The following ARMC5 variants were observed in gnomAD, a reference collection of about 807,000 sequenced individuals.
ARMC5 encodes armadillo repeat-containing protein 5.
Under a neutral mutation model 60.5 loss-of-function variants are expected in ARMC5, and 28 were observed. That is an observed-to-expected ratio of 0.46 (90% CI 0.34 to 0.63). The LOEUF (loss-of-function observed/expected upper bound fraction) is 0.63, where lower values mean the gene tolerates loss of function less well. Among genes scored for constraint, ARMC5 ranks in the 30% least tolerant of loss-of-function variants. The pLI is 0.01. For missense variants in ARMC5, 1,189 were observed against 1,304.9 expected (o/e 0.91, Z 1.37); for synonymous variants, 680 against 607.3 (o/e 1.12, Z -1.76).
intron 1 of ARMC5, 126 bp from the exon 2 acceptor site, chr16:31,461,796 C>T (rs2082305684): frequency 1.9e-5 from 15 of 787,128 alleles, no homozygotes; most frequent in South Asian, 6.5e-5. Flanking sequence ...GCTTGAGCCA[C>T]GGTGCCCTGC....
chr16:31,458,595 G>T, upstream of ARMC5: 4 of 1,463,942 alleles, frequency 2.7e-6, no homozygotes, highest in Non-Finnish European at 3.7e-6. Flanking sequence ...CGCAGGTTTT[G>T]GGGCTTGTAG....
At chr16:31,465,389 A>G (rs893581013) in intron 4 of ARMC5, 28 of 1,265,640 alleles carry the variant, frequency 2.2e-5, no homozygotes, top group Non-Finnish European at 2.6e-5. Flanking sequence ...TTCTGGTCAC[A>G]CCTCACTATG....
At chr16:31,460,826 C>T (rs2082298184) in intron 1 of ARMC5, among the ~76,000 whole-genome samples, 1 of 152,162 alleles carries the variant, frequency 6.6e-6, no homozygotes, top group African/African-American at 2.4e-5. Flanking sequence ...AGAACAAATC[C>T]TAGCAAAACA....
chr16:31,466,429 C>T lies in ARMC5; in HGVS notation c.2348C>T (p.Ala783Val). 1 of 1,612,044 alleles carries T rather than the reference C, an allele frequency of 6.2e-7. No homozygotes were observed. Among genetic ancestry groups the T allele is most frequent in the Non-Finnish European group, 8.5e-7 (1 of 1,179,852 alleles). The change falls in exon 6 of 6, where the codon GCA (alanine) becomes GTA (valine). Residue 783 changes from alanine to valine, a missense_variant. Transcript: ENST00000268314. The surrounding 1 kb of genome is among the most constrained non-coding windows in gnomAD (Gnocchi z 8.0). ...FFRALLSGSF[A>V]EAQMDLVPLR... ...CGGGCCCTGCTGTCAGGCAGCTTTGCAGAAGCCCAGATGGACCTGGTGCCC... is the reference window on the plus strand; with the variant it reads ...CGGGCCCTGCTGTCAGGCAGCTTTGTAGAAGCCCAGATGGACCTGGTGCCC...
rs1567378994 is a variant in ARMC5, at chr16:31,466,374, G to A, written c.2293G>A (p.Ala765Thr). 2 of 1,612,908 alleles carry A rather than the reference G, an allele frequency of 1.2e-6. No homozygotes were observed. The highest frequency in any genetic ancestry group is 1.7e-5 in the Admixed American group (1 of 60,012). ...DSGLQLPAQR[A>T]ASATASPFFR... is the part of the protein sequence containing the mutation. ...AGGCCTCCAGCTCCCTGCCCAGCGA[G>A]CGGCCTCAGCCACCGCCTCCCCTTT... Residue 765 changes from alanine (A) to threonine (T), a missense_variant, in exon 6 of 6, where the codon GCG becomes ACG. By Grantham distance (58) the Ala-to-Thr change is moderately conservative. This residue lies in a region of ARMC5 where 862 missense variants were observed against 1,071.2 expected (regional missense o/e 0.80). Coordinates refer to ENST00000268314, the MANE Select transcript of ARMC5 (RefSeq NM_001105247.2). This position sits in a 1 kb window ranked among gnomAD's most constrained non-coding sequence, Gnocchi z 8.0.
upstream of ARMC5, chr16:31,458,358 A>T: frequency 1.3e-6 from 2 of 1,522,078 alleles, no homozygotes; most frequent in South Asian, 2.4e-5. Flanking sequence ...CTGACGCTGA[A>T]AGTCTTACCA....
intron 4 of ARMC5, chr16:31,465,558 T>C: frequency 3.5e-6 from 4 of 1,133,744 alleles, no homozygotes; most frequent in Non-Finnish European, 4.6e-6. Flanking sequence ...CTATTCTTGT[T>C]TTATATTGTA....
chr16:31,462,434 C>T lies in ARMC5; in HGVS notation c.887C>T (p.Ala296Val). ...LVSLASHPKRAVREGTILILA... is the reference protein window; with the variant it reads ...LVSLASHPKRVVREGTILILA... The stretch of plus-strand genomic sequence containing the variant: ...AGCCTGGCTTCCCACCCCAAGCGGG[C>T]AGTACGCGAGGGAACCATTCTGATC... The change falls in exon 3 of 6, where the codon GCA (alanine) becomes GTA (valine). Residue 296 changes from alanine to valine, a missense_variant. Transcript: ENST00000268314. This position sits in a 1 kb window ranked among gnomAD's most constrained non-coding sequence, Gnocchi z 7.2. 1 of 1,611,660 alleles carries T rather than the reference C, an allele frequency of 6.2e-7. No individual in the cohort carries two copies. Among genetic ancestry groups the T allele is most frequent in the Non-Finnish European group, 8.5e-7 (1 of 1,178,720 alleles).
At position 31,464,326 on chromosome 16, in the gene ARMC5, C is replaced by T. The variant is rs1465712967; in HGVS notation, c.1371-68C>T. ...AAAAAAAAAAAAAAAAGACGCCTCA[C>T]GCCTCTTGGACTCTGCCCCTTAACC... is the stretch of plus-strand genomic sequence containing the variant. On this transcript the variant is annotated intron_variant, in intron 3 of 5. Transcript: ENST00000268314. This position sits in a 1 kb window ranked among gnomAD's most constrained non-coding sequence, Gnocchi z 7.6. The T allele has an allele frequency of 5.3e-6, 6 of 1,122,488 alleles. No homozygotes were observed. Among genetic ancestry groups the T allele is most frequent in the Non-Finnish European group, 7.3e-6 (6 of 824,350 alleles). 69.5% of individuals were successfully genotyped at this position (1,122,488 alleles called of 1,614,324 possible). A position where few individuals can be genotyped will look rare whatever the true frequency, so the allele number is the denominator to read the frequency against.
In ARMC5 at chr16:31,463,054, A is replaced by G. The variant is rs187517930; in HGVS notation, c.1370+137A>G. On this transcript the variant is annotated intron_variant, in intron 3 of 5. Coordinates refer to ENST00000268314, the MANE Select transcript of ARMC5 (RefSeq NM_001105247.2). ...TATAACCCAGACTCCTGATTCCCAC[A>G]CGACCACCTGCCAGTTCCTATTTAA... 10 of 913,960 alleles carry G rather than the reference A, an allele frequency of 1.1e-5. No individual in the cohort carries two copies. The Admixed American group carries it at 2.5e-4, about 23-fold the overall frequency. The allele number at this position is 913,960 out of a possible 1,614,324, so 56.6% of individuals were successfully genotyped here.
At position 31,464,562 on chromosome 16, in the gene ARMC5, C is replaced by T. The variant is rs1596605058; in HGVS notation, c.1539C>T (p.Ala513=). Reference sequence around the variant, plus strand: ...GCACTCCGGGCCGCAGCCCCGCCGCCGCCATCGAGGAGCCTTGGGGACGCG... The same window carrying T: ...GCACTCCGGGCCGCAGCCCCGCCGCTGCCATCGAGGAGCCTTGGGGACGCG... ...TQRTPGRSPA[A]AIEEPWGREG... is the part of the protein sequence containing the mutation. Residue 513 remains alanine, a synonymous_variant, in exon 4 of 6, where the codon GCC becomes GCT. Transcript: ENST00000268314. This position sits in a 1 kb window ranked among gnomAD's most constrained non-coding sequence, Gnocchi z 7.6. 6 of 1,583,788 alleles carry T rather than the reference C, an allele frequency of 3.8e-6. No homozygotes were observed. The highest frequency in any genetic ancestry group is 4.3e-6 in the Non-Finnish European group (5 of 1,167,350).
chr16:31,462,592 G>T lies in ARMC5; in HGVS notation c.1045G>T (p.Val349Leu). 6.2e-7 allele frequency: 1 copy of T among 1,612,968 alleles called. No homozygotes were observed. Among genetic ancestry groups the T allele is most frequent in the Non-Finnish European group, 8.5e-7 (1 of 1,180,008 alleles). ...GASPTSQQPL[V>L]RAVCLLCREA... ...TAGCCCAACCTCCCAGCAGCCCCTG[G>T]TGCGGGCTGTGTGCCTCCTATGTCG... The change falls in exon 3 of 6, where the codon GTG becomes TTG. Residue 349 changes from valine to leucine, a missense_variant. Coordinates refer to ENST00000268314, the MANE Select transcript of ARMC5 (RefSeq NM_001105247.2). The surrounding 1 kb of genome is among the most constrained non-coding windows in gnomAD (Gnocchi z 7.2).
In ARMC5 at chr16:31,464,471, C is replaced by CGGAGCCCAT. The variant is rs774609981; in HGVS notation, c.1455_1463dup (p.Met486_Pro488dup). 1 of 1,604,926 alleles carries CGGAGCCCAT rather than the reference C, an allele frequency of 6.2e-7. No homozygotes were observed. Among genetic ancestry groups the CGGAGCCCAT allele is most frequent in the Non-Finnish European group, 8.5e-7 (1 of 1,176,564 alleles). On this transcript the variant is annotated inframe_insertion, in exon 4 of 6. Coordinates refer to ENST00000268314, the MANE Select transcript of ARMC5 (RefSeq NM_001105247.2). This position sits in a 1 kb window ranked among gnomAD's most constrained non-coding sequence, Gnocchi z 7.6. ...GACTGGTCTCCTGAGCAGTGTCCGC[C>CGGAGCCCAT]GGAGCCCATGGAGCCGGCCAGCCCC...
At chr16:31,459,353 C>A (rs762203265), upstream of ARMC5, 1 of 1,536,030 alleles carries the variant, frequency 6.5e-7, no homozygotes, top group Non-Finnish European at 8.7e-7. Context: ...ACTGCCGCGC[C>A]TCGTGTGCAA....
At position 31,462,588 on chromosome 16, in the gene ARMC5, C is replaced by G; in HGVS notation, c.1041C>G (p.Pro347=). 6.2e-7 allele frequency: 1 copy of G among 1,612,900 alleles called. No individual in the cohort carries two copies. The highest frequency in any genetic ancestry group is 2.2e-5 in the East Asian group (1 of 44,892). Residue 347 remains proline (P), a synonymous_variant, in exon 3 of 6, where the codon CCC becomes CCG. Transcript: ENST00000268314. This position sits in a 1 kb window ranked among gnomAD's most constrained non-coding sequence, Gnocchi z 7.2. The part of the protein sequence containing the change: ...PNGASPTSQQ[P]LVRAVCLLCR... Reference sequence around the variant, plus strand: ...GAGCTAGCCCAACCTCCCAGCAGCCCCTGGTGCGGGCTGTGTGCCTCCTAT... The same window carrying G: ...GAGCTAGCCCAACCTCCCAGCAGCCGCTGGTGCGGGCTGTGTGCCTCCTAT...
In ARMC5 at chr16:31,464,563, G is replaced by A. The variant is rs749921744; in HGVS notation, c.1540G>A (p.Ala514Thr). 1.7e-5 allele frequency: 27 copies of A among 1,583,296 alleles called. No individual in the cohort carries two copies. The East Asian group carries it at 2.1e-4, about 12-fold the overall frequency. Reference protein sequence around the residue: ...QRTPGRSPAAAIEEPWGREGP... With the variant: ...QRTPGRSPAATIEEPWGREGP... ...CACTCCGGGCCGCAGCCCCGCCGCC[G>A]CCATCGAGGAGCCTTGGGGACGCGA... Residue 514 changes from alanine (A) to threonine (T), a missense_variant, in exon 4 of 6, where the codon GCC becomes ACC. Physicochemically the swap from Ala to Thr is moderately conservative, Grantham distance 58 (BLOSUM62 0). This residue lies in a region of ARMC5 where 862 missense variants were observed against 1,071.2 expected (regional missense o/e 0.80). Transcript: ENST00000268314. This position sits in a 1 kb window ranked among gnomAD's most constrained non-coding sequence, Gnocchi z 7.6.
intron 1 of ARMC5, 91 bp from the exon 2 acceptor site, chr16:31,461,831 C>T: frequency 8.2e-7 from 1 of 1,225,606 alleles, no homozygotes. Context: ...TTCTGAAAGC[C>T]TTCCAGGCCC....
At chr16:31,458,909 G>C, upstream of ARMC5, 1 of 1,535,670 alleles carries the variant, frequency 6.5e-7, no homozygotes, top group South Asian at 1.2e-5. Flanking sequence ...CGGGACACCG[G>C]GGTCCAGCTC....
At chr16:31,459,232 G>A (rs2082275039), upstream of ARMC5, 6 of 1,532,396 alleles carry the variant, frequency 3.9e-6, no homozygotes, top group Non-Finnish European at 5.2e-6. Context: ...CCCACCTGGA[G>A]GGCCCTGGAA....
Sources: allele counts gnomAD v4.1 joint callset (sites outside exome capture counted in the v4.1 genomes callset), GRCh38; gene constraint gnomAD v4.1.1; regional missense constraint gnomAD v4.1.1; non-coding constraint Gnocchi (gnomAD v3.1); transcripts MANE v1.5; gene names NCBI Gene and HGNC (gene_info 2026-07-23, HGNC 2026-07-21).